The following C10orf62 variants were observed in gnomAD, a reference collection of about 807,000 sequenced individuals.
The protein encoded by C10orf62 is chromosome 10 open reading frame 62, also known as uncharacterized protein C10orf62.
For missense variants in C10orf62, 279 were observed against 281.9 expected (o/e 0.99, Z 0.07); for synonymous variants, 94 against 109.7 (o/e 0.86, Z 0.89).
rs538571413 is a variant in C10orf62, at chr10:97,590,628, G to A, written c.*59G>A. 17 of 1,542,592 alleles carry A rather than the reference G, an allele frequency of 1.1e-5. No homozygotes were observed. The East Asian group carries it at 2.0e-4, about 18-fold the overall frequency. On this transcript the variant is annotated 3_prime_UTR_variant, in exon 1 of 1. Transcript: ENST00000370640. ...ATGGAGACGCCCCTGCCCCCAGCAAGGCTGGCTCACACACACGTCTGTTTT... is the reference window on the plus strand; with the variant it reads ...ATGGAGACGCCCCTGCCCCCAGCAAAGCTGGCTCACACACACGTCTGTTTT...
chr10:97,589,863 T>TGG lies in C10orf62; in HGVS notation c.-32_-31dup. Reference sequence around the variant, plus strand: ...CAGCAGCCATCATGCAAGGTGGTGCTGGGGACTGCCCTCTTGCTAGGAGGT... The same window carrying TGG: ...CAGCAGCCATCATGCAAGGTGGTGCTGGGGGGACTGCCCTCTTGCTAGGAGGT... On this transcript the variant is annotated 5_prime_UTR_variant, in exon 1 of 1. Coordinates refer to ENST00000370640, the MANE Select transcript of C10orf62 (RefSeq NM_001009997.3). The TGG allele has an allele frequency of 1.3e-6, 2 of 1,555,446 alleles. No individual in the cohort carries two copies. The highest frequency in any genetic ancestry group is 2.3e-5 in the South Asian group (2 of 87,076).
In C10orf62 at chr10:97,590,035, G is replaced by A. The variant is rs998788384; in HGVS notation, c.138G>A (p.Lys46=). ...KSHFSRLSEE[K]LALDNNASAS... is the part of the protein sequence containing the mutation. ...ACTTTAGCCGCCTTTCCGAAGAGAA[G>A]CTGGCCCTCGACAACAATGCCAGCG... The change falls in exon 1 of 1, where the codon AAG becomes AAA. Residue 46 remains lysine, a synonymous_variant. Transcript: ENST00000370640. 2 of 1,614,052 alleles carry A rather than the reference G, an allele frequency of 1.2e-6. No homozygotes were observed. The highest frequency in any genetic ancestry group is 2.7e-5 in the African/African-American group (2 of 74,940).
At position 97,589,748 on chromosome 10, in the gene C10orf62, A is replaced by C; in HGVS notation, c.-150A>C. Reference sequence around the variant, plus strand: ...ACATCCTTGGGGAGCCTGCCCTTTCAAGCATGAATCATACCACCAGAGATC... The same window carrying C: ...ACATCCTTGGGGAGCCTGCCCTTTCCAGCATGAATCATACCACCAGAGATC... On this transcript the variant is annotated 5_prime_UTR_variant, in exon 1 of 1. Coordinates refer to ENST00000370640, the MANE Select transcript of C10orf62 (RefSeq NM_001009997.3). 1 of 680,574 alleles carries C rather than the reference A, an allele frequency of 1.5e-6. No homozygotes were observed. Among genetic ancestry groups the C allele is most frequent in the Non-Finnish European group, 2.6e-6 (1 of 388,062 alleles). The allele number at this position is 680,574 out of a possible 1,614,324, so 42.2% of individuals were successfully genotyped here.
At position 97,590,059 on chromosome 10, in the gene C10orf62, C is replaced by T. The variant is rs370827332; in HGVS notation, c.162C>T (p.Ser54=). 8.1e-5 allele frequency: 130 copies of T among 1,614,130 alleles called. 1 individual carries two copies. The Admixed American group carries it at 1.0e-3, about 12-fold the overall frequency. ...EEKLALDNNA[S]ASGNATQTES... ...AGCTGGCCCTCGACAACAATGCCAG[C>T]GCTAGTGGCAATGCTACCCAGACTG... Residue 54 remains serine, a synonymous_variant, in exon 1 of 1, where the codon AGC becomes AGT. Coordinates refer to ENST00000370640, the MANE Select transcript of C10orf62 (RefSeq NM_001009997.3).
At position 97,590,309 on chromosome 10, in the gene C10orf62, G is replaced by T; in HGVS notation, c.412G>T (p.Gly138Trp). 1 of 1,613,818 alleles carries T rather than the reference G, an allele frequency of 6.2e-7. No homozygotes were observed. Among genetic ancestry groups the T allele is most frequent in the Non-Finnish European group, 8.5e-7 (1 of 1,180,004 alleles). ...AACTKEIDTQ[G>W]RHLAHSMLQR... ...CTGCACCAAGGAGATTGACACCCAG[G>T]GGCGGCACCTGGCTCACTCCATGCT... is the stretch of plus-strand genomic sequence containing the variant. The change falls in exon 1 of 1, where the codon GGG (glycine) becomes TGG (tryptophan). Residue 138 changes from glycine to tryptophan, a missense_variant. Transcript: ENST00000370640.
chr10:97,589,853 A>C lies in C10orf62; in HGVS notation c.-45A>C. ...GGAGCTCATCCAGCAGCCATCATGC[A>C]AGGTGGTGCTGGGGACTGCCCTCTT... On this transcript the variant is annotated 5_prime_UTR_variant, in exon 1 of 1. Coordinates refer to ENST00000370640, the MANE Select transcript of C10orf62 (RefSeq NM_001009997.3). 6 of 1,473,860 alleles carry C rather than the reference A, an allele frequency of 4.1e-6. No individual in the cohort carries two copies. The highest frequency in any genetic ancestry group is 5.6e-6 in the Non-Finnish European group (6 of 1,065,578). The allele number at this position is 1,473,860 out of a possible 1,614,324, so 91.3% of individuals were successfully genotyped here. A position where few individuals can be genotyped will look rare whatever the true frequency, so the allele number is the denominator to read the frequency against.
Position 97,589,975 on chromosome 10 carries a change from C to G in C10orf62, c.78C>G (p.Ser26=), listed in dbSNP as rs2041004981. The change falls in exon 1 of 1, where the codon TCC becomes TCG. Residue 26 remains serine, a synonymous_variant. Coordinates refer to ENST00000370640, the MANE Select transcript of C10orf62 (RefSeq NM_001009997.3). ...CPSDKDKSPE[S]HKAKNESWIK... The stretch of plus-strand genomic sequence containing the variant: ...CAGACAAGGACAAGTCACCAGAATC[C>G]CATAAAGCAAAGAATGAAAGCTGGA... 5 of 1,613,932 alleles carry G rather than the reference C, an allele frequency of 3.1e-6. No individual in the cohort carries two copies. The South Asian group carries it at 5.5e-5, about 18-fold the overall frequency.
rs1476573495 is a variant in C10orf62, at chr10:97,590,415, A to G, written c.518A>G (p.Glu173Gly). The change falls in exon 1 of 1, where the codon GAG becomes GGG. Residue 173 changes from glutamate (E) to glycine (G), a missense_variant. Glu to Gly is a moderately conservative substitution (Grantham distance 98). Transcript: ENST00000370640. ...CAGGAGGAGCTGAGGGCCCTCGAGG[A>G]GGTAGAGATGAAGCTGCAAAAGAAT... Reference protein sequence around the residue: ...INQEELRALEEVEMKLQKNFL... With the variant: ...INQEELRALEGVEMKLQKNFL... The G allele has an allele frequency of 6.2e-7, 1 of 1,614,020 alleles. No individual in the cohort carries two copies. Among genetic ancestry groups the G allele is most frequent in the African/African-American group, 1.3e-5 (1 of 74,926 alleles).
rs1469317814 is a variant in C10orf62, at chr10:97,590,513, A to C, written c.616A>C (p.Ser206Arg). The change falls in exon 1 of 1, where the codon AGT becomes CGT. Residue 206 changes from serine (S) to arginine (R), a missense_variant. Coordinates refer to ENST00000370640, the MANE Select transcript of C10orf62 (RefSeq NM_001009997.3). ...THTFYGHSHHSHHGHPSHQSH... is the reference protein window; with the variant it reads ...THTFYGHSHHRHHGHPSHQSH... ...CACCTTCTATGGCCACAGTCACCAC[A>C]GTCACCATGGCCACCCAAGCCACCA... 22 of 1,612,740 alleles carry C rather than the reference A, an allele frequency of 1.4e-5. No homozygotes were observed. The highest frequency in any genetic ancestry group is 1.9e-5 in the Non-Finnish European group (22 of 1,179,982).
rs1179910783 is a variant in C10orf62, at chr10:97,589,848, C to T, written c.-50C>T. ...TTCTTGGAGCTCATCCAGCAGCCAT[C>T]ATGCAAGGTGGTGCTGGGGACTGCC... On this transcript the variant is annotated 5_prime_UTR_variant, in exon 1 of 1. Transcript: ENST00000370640. 1.4e-6 allele frequency: 2 copies of T among 1,437,280 alleles called. No individual in the cohort carries two copies. The highest frequency in any genetic ancestry group is 1.8e-5 in the Admixed American group (1 of 55,300). 89.0% of individuals were successfully genotyped at this position (1,437,280 alleles called of 1,614,324 possible). A position where few individuals can be genotyped will look rare whatever the true frequency, so the allele number is the denominator to read the frequency against.
chr10:97,589,804 G>T lies in C10orf62; in HGVS notation c.-94G>T. The stretch of plus-strand genomic sequence containing the variant: ...GCGTGCTCTTAGCTCTGCCTGCCTG[G>T]TGTAGGGTCCTGGAGACCTTCTTGG... On this transcript the variant is annotated 5_prime_UTR_variant, in exon 1 of 1. Transcript: ENST00000370640. 1 of 914,982 alleles carries T rather than the reference G, an allele frequency of 1.1e-6. No homozygotes were observed. Among genetic ancestry groups the T allele is most frequent in the Non-Finnish European group, 1.7e-6 (1 of 580,832 alleles). The allele number at this position is 914,982 out of a possible 1,614,324, so 56.7% of individuals were successfully genotyped here.
Position 97,590,326 on chromosome 10 carries a change from C to T in C10orf62, c.429C>T (p.His143=). ...EIDTQGRHLA[H]SMLQRAIAYQ... is the part of the protein sequence containing the mutation. ...ACACCCAGGGGCGGCACCTGGCTCA[C>T]TCCATGCTGCAGCGGGCCATAGCTT... Residue 143 remains histidine (H), a synonymous_variant, in exon 1 of 1, where the codon CAC becomes CAT. Transcript: ENST00000370640. The T allele has an allele frequency of 6.2e-7, 1 of 1,613,964 alleles. No individual in the cohort carries two copies. The highest frequency in any genetic ancestry group is 8.5e-7 in the Non-Finnish European group (1 of 1,180,034).
chr10:97,590,171 G>C lies in C10orf62; in HGVS notation c.274G>C (p.Glu92Gln). The change falls in exon 1 of 1, where the codon GAA (glutamate) becomes CAA (glutamine). Residue 92 changes from glutamate (E) to glutamine (Q), a missense_variant. By Grantham distance (29) the Glu-to-Gln change is conservative (BLOSUM62 2). Transcript: ENST00000370640. ...HGEVGSALHR[E>Q]SFTSRQKTSG... ...AGAAGTGGGCTCCGCTCTGCACCGG[G>C]AATCCTTCACCAGCAGGCAGAAGAC... is the stretch of plus-strand genomic sequence containing the variant. 6.8e-6 allele frequency: 11 copies of C among 1,614,068 alleles called. No individual in the cohort carries two copies. The highest frequency in any genetic ancestry group is 9.3e-6 in the Non-Finnish European group (11 of 1,180,036).
In C10orf62 at chr10:97,590,113, G is replaced by A. The variant is rs776403631; in HGVS notation, c.216G>A (p.Thr72=). Residue 72 remains threonine (T), a synonymous_variant, in exon 1 of 1, where the codon ACG becomes ACA. Transcript: ENST00000370640. ...GTGGGAGTGAAGAGGTCAGCTCCAC[G>A]GTTCACATAGAGACCTTCACCACGA... ...TESGSEEVSS[T]VHIETFTTRH... is the part of the protein sequence containing the mutation. 5 of 1,614,104 alleles carry A rather than the reference G, an allele frequency of 3.1e-6. No individual in the cohort carries two copies. Among genetic ancestry groups the A allele is most frequent in the Non-Finnish European group, 4.2e-6 (5 of 1,180,028 alleles).
Position 97,589,940 on chromosome 10 carries a change from G to GAA in C10orf62, c.44_45insAA (p.Cys16SerfsTer61). ...AAAGAGGAGAAGAAAGGAAACCTCT[G>GAA]AGTGTCCATCAGACAAGGACAAGTC... On this transcript the variant is annotated frameshift_variant, in exon 1 of 1. Transcript: ENST00000370640. LOFTEE classifies it low-confidence loss of function (END_TRUNC). 6.2e-7 allele frequency: 1 copy of GAA among 1,614,046 alleles called. No homozygotes were observed. Among genetic ancestry groups the GAA allele is most frequent in the South Asian group, 1.1e-5 (1 of 91,088 alleles).
rs1309370168 is a variant in C10orf62 at position 97,590,145 on chromosome 10, G to A, written c.248G>A (p.Gly83Glu). ...VHIETFTTRH[G>E]EVGSALHRES... ...ATAGAGACCTTCACCACGAGGCACG[G>A]AGAAGTGGGCTCCGCTCTGCACCGG... The change falls in exon 1 of 1, where the codon GGA becomes GAA. Residue 83 changes from glycine (G) to glutamate (E), a missense_variant. Transcript: ENST00000370640. 6.2e-7 allele frequency: 1 copy of A among 1,614,112 alleles called. No homozygotes were observed. Among genetic ancestry groups the A allele is most frequent in the East Asian group, 2.2e-5 (1 of 44,888 alleles).
rs948158599 is a variant in C10orf62, at chr10:97,590,813, G to A, written c.*244G>A. 53 of 592,224 alleles carry A rather than the reference G, an allele frequency of 8.9e-5. No homozygotes were observed. The highest frequency in any genetic ancestry group is 1.5e-4 in the Admixed American group (5 of 32,710). The allele number at this position is 592,224 out of a possible 1,614,324, so 36.7% of individuals were successfully genotyped here. Reference sequence around the variant, plus strand: ...GGAGGGAGAGCTGGGAGGACACAGCGCAGGTGAGATAGACCCTGAGGCCCC... The same window carrying A: ...GGAGGGAGAGCTGGGAGGACACAGCACAGGTGAGATAGACCCTGAGGCCCC... On this transcript the variant is annotated 3_prime_UTR_variant, in exon 1 of 1. Transcript: ENST00000370640.
chr10:97,590,076 C>T lies in C10orf62; in HGVS notation c.179C>T (p.Thr60Ile). The change falls in exon 1 of 1, where the codon ACC becomes ATC. Residue 60 changes from threonine to isoleucine, a missense_variant. Transcript: ENST00000370640. ...AATGCCAGCGCTAGTGGCAATGCTA[C>T]CCAGACTGAGAGTGGGAGTGAAGAG... ...DNNASASGNA[T>I]QTESGSEEVS... 6.2e-7 allele frequency: 1 copy of T among 1,614,178 alleles called. No individual in the cohort carries two copies. The highest frequency in any genetic ancestry group is 8.5e-7 in the Non-Finnish European group (1 of 1,180,026).
rs908811315 is a variant in C10orf62, at chr10:97,589,816, G to A, written c.-82G>A. 3 of 1,083,254 alleles carry A rather than the reference G, an allele frequency of 2.8e-6. No individual in the cohort carries two copies. The highest frequency in any genetic ancestry group is 2.4e-5 in the East Asian group (1 of 42,316). 67.1% of individuals were successfully genotyped at this position (1,083,254 alleles called of 1,614,324 possible). A position where few individuals can be genotyped will look rare whatever the true frequency, so the allele number is the denominator to read the frequency against. On this transcript the variant is annotated 5_prime_UTR_variant, in exon 1 of 1. Coordinates refer to ENST00000370640, the MANE Select transcript of C10orf62 (RefSeq NM_001009997.3). ...CTCTGCCTGCCTGGTGTAGGGTCCT[G>A]GAGACCTTCTTGGAGCTCATCCAGC...
Sources: allele counts gnomAD v4.1 joint callset, GRCh38; gene constraint gnomAD v4.1.1; transcripts MANE v1.5; gene names NCBI Gene and HGNC (gene_info 2026-07-23, HGNC 2026-07-21).